Variants in AGO3 observed in about 807,000 individuals in gnomAD.
AGO3 encodes protein argonaute-3.
A neutral mutation model predicts 105.5 loss-of-function variants in AGO3; 16 were observed. The observed-to-expected ratio is 0.15, with a 90% CI of 0.10 to 0.23. The LOEUF (loss-of-function observed/expected upper bound fraction) is 0.23, where lower values mean the gene tolerates loss of function less well. Ranked by LOEUF, AGO3 falls within the 10% of genes least tolerant of loss-of-function variation. The pLI, the probability that AGO3 is intolerant of heterozygous loss-of-function variation, is 1.00. For synonymous variants in AGO3, 340 were observed against 367.3 expected (o/e 0.93, Z 0.85); for missense variants, 534 against 1,088.0 (o/e 0.49, Z 7.16).
chr1:36,043,566 G>T lies in AGO3; in HGVS notation c.2274+18G>T, dbSNP rs994896562. The T allele has an allele frequency of 6.4e-7, 1 of 1,558,634 alleles. No individual in the cohort carries two copies. Among genetic ancestry groups the T allele is most frequent in the Non-Finnish European group, 8.7e-7 (1 of 1,145,862 alleles). On this transcript the variant is annotated intron_variant, in intron 17 of 18. Transcript: ENST00000373191. Reference sequence around the variant, plus strand: ...GAATACAGGTAAGCCTACACTTTGGGTAAAATATTTTAATTCAAGAACTGT... The same window carrying T: ...GAATACAGGTAAGCCTACACTTTGGTTAAAATATTTTAATTCAAGAACTGT...
At chr1:35,995,502 A>G (rs1006102611) in intron 5 of AGO3, among the ~76,000 whole-genome samples, 1 of 152,082 alleles carries the variant, frequency 6.6e-6, no homozygotes. Context: ...ATAGAATGCC[A>G]AAAAGGTTAG....
intron 16 of AGO3, 42 bp downstream of exon 16, chr1:36,040,483 A>G: frequency 6.2e-7 from 1 of 1,607,676 alleles, no homozygotes; most frequent in South Asian, 1.1e-5. Flanking sequence ...AACCAAGCTT[A>G]TCCAACATAG....
At chr1:35,930,917 C>G (rs1317084158), upstream of AGO3, 1 of 272,038 alleles carries the variant, frequency 3.7e-6, no homozygotes, top group Non-Finnish European at 6.8e-6. Flanking sequence ...GCCGGCACGG[C>G]CCGGCGGGGT....
chr1:35,960,805 A>G lies in AGO3; in HGVS notation c.192-6150A>G, dbSNP rs113488019. Among the ~76,000 whole-genome samples the G allele has an allele frequency of 9.6e-3, 1,459 of 152,292 alleles. 24 individuals carry two copies. Among genetic ancestry groups the G allele is most frequent in the African/African-American group, 0.033 (1,357 of 41,556 alleles). ...AAGTGGAAAAATTGACCCGTATACTATAGAATTCCAGTGCTATTTCCTTAA... is the reference window on the plus strand; with the variant it reads ...AAGTGGAAAAATTGACCCGTATACTGTAGAATTCCAGTGCTATTTCCTTAA... On this transcript the variant is annotated intron_variant, in intron 2 of 18. Coordinates refer to ENST00000373191, the MANE Select transcript of AGO3 (RefSeq NM_024852.4).
chr1:36,015,195 C>T (rs1367962353), intron 11 of AGO3, among the ~76,000 whole-genome samples: 2 of 152,134 alleles, frequency 1.3e-5, no homozygotes, highest in African/African-American at 4.8e-5. Flanking sequence ...TAGAGCAGCT[C>T]ACAGAACTAG....
In AGO3 at chr1:36,017,769, G is replaced by A. The variant is rs562181951; in HGVS notation, c.1406+3721G>A. Among the ~76,000 whole-genome samples, 7 of 152,008 alleles carry A rather than the reference G, an allele frequency of 4.6e-5. 1 individual carries two copies. The South Asian group carries it at 1.5e-3, about 32-fold the overall frequency. The stretch of plus-strand genomic sequence containing the variant: ...AATTCAAAAATAATCCGAGCACAGT[G>A]GTGCACGCCTGTGGTCCCAGCTACT... On this transcript the variant is annotated intron_variant, in intron 11 of 18. Transcript: ENST00000373191.
At position 36,061,755 on chromosome 1, in the gene AGO3, CG is replaced by C. The variant is rs1427321999; in HGVS notation, c.*6012del. 1 of 152,008 alleles carries C rather than the reference CG, an allele frequency of 6.6e-6. No individual in the cohort carries two copies. Among genetic ancestry groups the C allele is most frequent in the Non-Finnish European group, 1.5e-5 (1 of 68,014 alleles). The allele number at this position is 152,008 out of a possible 1,614,324, so 9.4% of individuals were successfully genotyped here. A position where few individuals can be genotyped will look rare whatever the true frequency, so the allele number is the denominator to read the frequency against. On this transcript the variant is annotated 3_prime_UTR_variant, in exon 19 of 19. Transcript: ENST00000373191. The stretch of plus-strand genomic sequence containing the variant: ...TTTTTAATCATTTTTTAAAGCAAGG[CG>C]GTTCTTAGAAAGTGCCTTTTCAGAA...
rs1642997969 is a variant in AGO3 at position 36,059,366 on chromosome 1, A to G, written c.*3621A>G. 6.6e-6 allele frequency: 1 copy of G among 151,788 alleles called. No individual in the cohort carries two copies. The highest frequency in any genetic ancestry group is 1.5e-5 in the Non-Finnish European group (1 of 67,934). 9.4% of individuals were successfully genotyped at this position (151,788 alleles called of 1,614,324 possible). A position where few individuals can be genotyped will look rare whatever the true frequency, so the allele number is the denominator to read the frequency against. On this transcript the variant is annotated 3_prime_UTR_variant, in exon 19 of 19. Transcript: ENST00000373191. ...TGAAATTTGTCCTATTTATTGTTGC[A>G]TTTCTGGTGTAGAATTTCTAATCTT...
At chr1:35,968,695 A>G (rs546344416) in intron 3 of AGO3, among the ~76,000 whole-genome samples, 3 of 152,314 alleles carry the variant, frequency 2.0e-5, no homozygotes, top group African/African-American at 2.4e-5. Context: ...TAATCCTGCT[A>G]TGAACATAGA....
intron 17 of AGO3, among the ~76,000 whole-genome samples, chr1:36,046,261 C>G (rs1473406582): frequency 1.3e-5 from 2 of 152,230 alleles, no homozygotes; most frequent in Non-Finnish European, 2.9e-5. Context: ...TGGGATATGT[C>G]TTGCTCCAGG....
chr1:35,960,505 A>G (rs1158692915), intron 2 of AGO3, among the ~76,000 whole-genome samples: 11 of 152,068 alleles, frequency 7.2e-5, no homozygotes, highest in Non-Finnish European at 1.5e-4. Context: ...TTTTTCGCTA[A>G]AATTCTAAAT....
Position 35,945,854 on chromosome 1 carries a change from G to A in AGO3, c.182G>A (p.Arg61Lys). 3 of 1,613,004 alleles carry A rather than the reference G, an allele frequency of 1.9e-6. No individual in the cohort carries two copies. The highest frequency in any genetic ancestry group is 2.5e-6 in the Non-Finnish European group (3 of 1,179,610). The part of the protein sequence containing the change: ...VDIKPDKCPR[R>K]VNREVVDSMV... The stretch of plus-strand genomic sequence containing the variant: ...ATTAAACCAGACAAGTGTCCTAGGA[G>A]AGTGAACAGGTAAGAATCATGAAAC... The change falls in exon 2 of 19, where the codon AGA becomes AAA. Residue 61 changes from arginine (R) to lysine (K), a missense_variant. By Grantham distance (26) the Arg-to-Lys change is conservative (BLOSUM62 2). Around this residue, in one of 2 missense-constraint regions of AGO3, gnomAD observed 161 missense variants for 234.0 expected, o/e 0.69. Coordinates refer to ENST00000373191, the MANE Select transcript of AGO3 (RefSeq NM_024852.4).
chr1:35,991,387 T>C (rs1557669395), intron 5 of AGO3, among the ~76,000 whole-genome samples: 1 of 152,120 alleles, frequency 6.6e-6, no homozygotes, highest in African/African-American at 2.4e-5. Context: ...GGTTGAGTTA[T>C]GCCCTTTGTG....
intron 2 of AGO3, among the ~76,000 whole-genome samples, chr1:35,962,693 A>G (rs1488570474): frequency 1.3e-5 from 2 of 152,184 alleles, no homozygotes; most frequent in South Asian, 2.1e-4. Flanking sequence ...TTAGTTAAGT[A>G]TAAGCCGTTT....
rs1182133022 is a variant in AGO3, at chr1:36,066,667, CTT to C, written c.*10923_*10924del. 2.0e-5 allele frequency: 3 copies of C among 152,142 alleles called. No homozygotes were observed. The highest frequency in any genetic ancestry group is 7.2e-5 in the African/African-American group (3 of 41,416). 9.4% of individuals were successfully genotyped at this position (152,142 alleles called of 1,614,324 possible). A position where few individuals can be genotyped will look rare whatever the true frequency, so the allele number is the denominator to read the frequency against. On this transcript the variant is annotated 3_prime_UTR_variant, in exon 19 of 19. Transcript: ENST00000373191. ...TGGTTGGGAAAACAAACAAAAATCTCTTAAGTTAGTCCTTTAATAGTCTTTTT... is the reference window on the plus strand; with the variant it reads ...TGGTTGGGAAAACAAACAAAAATCTCAAGTTAGTCCTTTAATAGTCTTTTT...
intron 9 of AGO3, 198 bp from the exon 10 acceptor site, chr1:36,013,432 T>A: frequency 1.7e-6 from 1 of 588,988 alleles, no homozygotes; most frequent in Non-Finnish European, 2.8e-6. Flanking sequence ...TACCAGGAGG[T>A]CACAGAATTT....
At chr1:36,013,322 A>T (rs1238275612) in intron 9 of AGO3, 1 of 205,864 alleles carries the variant, frequency 4.9e-6, no homozygotes, top group Non-Finnish European at 1.0e-5. Flanking sequence ...GCAATCCTCC[A>T]GCTTGGCCTC....
At chr1:36,036,740 G>T (rs1017923172) in intron 14 of AGO3, among the ~76,000 whole-genome samples, 10 of 151,856 alleles carry the variant, frequency 6.6e-5, no homozygotes, top group African/African-American at 2.2e-4. Context: ...TGTTGCCCAG[G>T]CTAGAGTGCA....
intron 2 of AGO3, among the ~76,000 whole-genome samples, chr1:35,965,482 G>A (rs1473223645): frequency 4.0e-5 from 4 of 98,952 alleles, no homozygotes; most frequent in East Asian, 5.3e-4. Flanking sequence ...AGAGCAAGAC[G>A]CTGTCTCAAA....
Sources: gnomAD v4.1 joint callset for allele counts (sites outside exome capture counted in the v4.1 genomes callset) on GRCh38, gnomAD v4.1.1 for gene constraint, gnomAD v4.1.1 regional missense constraint, MANE v1.5 for transcripts, NCBI Gene and HGNC (gene_info 2026-07-23, HGNC 2026-07-21) for gene names.